The following CTNNA2 variants were observed in gnomAD, a reference collection of about 807,000 sequenced individuals.
CTNNA2 encodes catenin alpha-2.
CTNNA2 carries 42 observed loss-of-function variants against 101.0 expected under a neutral mutation model. The observed-to-expected ratio is 0.42, with a 90% CI of 0.32 to 0.54. The LOEUF (loss-of-function observed/expected upper bound fraction) is 0.54. Ranked by LOEUF, CTNNA2 falls within the 20% of genes least tolerant of loss-of-function variation. The probability of loss-of-function intolerance (pLI) is 0.14; values close to 1 mark genes in which losing one functional copy is unlikely to be tolerated. For missense variants in CTNNA2, 871 were observed against 1,223.1 expected (o/e 0.71, Z 4.29); for synonymous variants, 450 against 456.4 (o/e 0.99, Z 0.18).
chr2:79,356,421 G>C (rs927288164), intron 3 of CTNNA2, among the ~76,000 whole-genome samples: 3 of 151,974 alleles, frequency 2.0e-5, no homozygotes, highest in Non-Finnish European at 4.4e-5. Flanking sequence ...TTTCTTGATA[G>C]TGCCCTTTAA....
intron 7 of CTNNA2, among the ~76,000 whole-genome samples, chr2:80,096,369 G>T (rs1021639885): frequency 6.6e-6 from 1 of 152,050 alleles, no homozygotes; most frequent in Non-Finnish European, 1.5e-5. Context: ...GTCTGAGAGA[G>T]AGTTTTTTAT....
intron 2 of CTNNA2, among the ~76,000 whole-genome samples, chr2:79,236,981 C>G (rs1674565559): frequency 6.6e-6 from 1 of 152,188 alleles, no homozygotes; most frequent in African/African-American, 2.4e-5. Context: ...GGTATTTTGA[C>G]ATTGGAGCAT....
At chr2:79,794,583 C>T (rs1334177034) in intron 3 of CTNNA2, among the ~76,000 whole-genome samples, 1 of 152,096 alleles carries the variant, frequency 6.6e-6, no homozygotes, top group Non-Finnish European at 1.5e-5. Context: ...AGTAACAAAA[C>T]TTATCATAAG....
At chr2:79,851,786 G>A (rs1447845895) in intron 3 of CTNNA2, among the ~76,000 whole-genome samples, 2 of 110,124 alleles carry the variant, frequency 1.8e-5, no homozygotes. Context: ...CTGTCGCCTA[G>A]ACTGCAGTGC....
intron 9 of CTNNA2, among the ~76,000 whole-genome samples, chr2:80,526,454 T>A (rs1690041848): frequency 6.6e-6 from 1 of 152,098 alleles, no homozygotes; most frequent in African/African-American, 2.4e-5. Flanking sequence ...CACCTCAGCC[T>A]CCCAAAGTCC....
chr2:79,503,529 C>A (rs920788839), intron 4 of CTNNA2, among the ~76,000 whole-genome samples: 1 of 152,148 alleles, frequency 6.6e-6, no homozygotes, highest in African/African-American at 2.4e-5. Context: ...GGCTTAGAAG[C>A]AGCTGCCTTA....
chr2:79,276,577 C>T (rs946987386), intron 2 of CTNNA2, among the ~76,000 whole-genome samples: 1 of 151,992 alleles, frequency 6.6e-6, no homozygotes, highest in African/African-American at 2.4e-5. Flanking sequence ...ATCTTATTTA[C>T]CTGAATACCT....
intron 9 of CTNNA2, among the ~76,000 whole-genome samples, chr2:80,423,633 A>G (rs1036434753): frequency 3.3e-5 from 5 of 152,152 alleles, no homozygotes; most frequent in Admixed American, 3.3e-4. Flanking sequence ...TCCAAAATCC[A>G]CTGGGATGTT....
intron 3 of CTNNA2, among the ~76,000 whole-genome samples, chr2:79,837,411 C>T (rs977492472): frequency 3.3e-5 from 5 of 152,140 alleles, no homozygotes; most frequent in Admixed American, 2.0e-4. Flanking sequence ...CTTTCCCAGT[C>T]CTAACTCAAA....
chr2:80,012,168 G>A (rs1165959822), intron 7 of CTNNA2, among the ~76,000 whole-genome samples: 4 of 152,200 alleles, frequency 2.6e-5, no homozygotes, highest in South Asian at 2.1e-4. Context: ...CATTGCCTAC[G>A]ACGGTGCCAA....
At chr2:80,599,956 G>T in intron 15 of CTNNA2, among the ~76,000 whole-genome samples, 4 of 125,558 alleles carry the variant, frequency 3.2e-5, no homozygotes, top group South Asian at 2.6e-4. Flanking sequence ...AAATTTTTAT[G>T]AATATTTAGA....
intron 11 of CTNNA2, among the ~76,000 whole-genome samples, chr2:80,547,919 G>A (rs181410004): frequency 6.6e-6 from 1 of 151,780 alleles, no homozygotes; most frequent in African/African-American, 2.4e-5. Context: ...CTCAAACTCC[G>A]GACCTCAGGT....
intron 1 of CTNNA2, among the ~76,000 whole-genome samples, chr2:79,571,516 A>G (rs987534131): frequency 2.6e-5 from 4 of 152,136 alleles, no homozygotes; most frequent in Non-Finnish European, 5.9e-5. Flanking sequence ...TTTTAAACTG[A>G]TATTGATAAT....
At chr2:79,948,643 C>T (rs1688664495) in intron 7 of CTNNA2, among the ~76,000 whole-genome samples, 1 of 152,144 alleles carries the variant, frequency 6.6e-6, no homozygotes, top group South Asian at 2.1e-4. Context: ...ATGTCTATTC[C>T]AGGAAAATAT....
Position 79,503,620 on chromosome 2 carries a change from C to T in CTNNA2, c.-134-1434C>T, listed in dbSNP as rs183568180. On this transcript the variant is annotated intron_variant, in intron 4 of 21. Coordinates refer to the CTNNA2 transcript ENST00000466387. ...ATAATTTACAAATGTAGGATGTTTC[C>T]ATACACTATGTAGTATCAGCTTTTA... Among the ~76,000 whole-genome samples the T allele has an allele frequency of 1.1e-4, 17 of 152,228 alleles. No homozygotes were observed. In the East Asian group the frequency reaches 3.3e-3, roughly 29 times the overall value.
intron 2 of CTNNA2, among the ~76,000 whole-genome samples, chr2:79,288,068 C>T (rs935185643): frequency 5.3e-5 from 8 of 152,230 alleles, no homozygotes; most frequent in African/African-American, 1.2e-4. Context: ...TGACCCCTTG[C>T]GCTTGCCAAG....
intron 1 of CTNNA2, among the ~76,000 whole-genome samples, chr2:79,525,569 T>TATTAC (rs1174174241): frequency 1.3e-5 from 2 of 151,970 alleles, no homozygotes; most frequent in Non-Finnish European, 2.9e-5. Flanking sequence ...TACATTACAT[T>TATTAC]ATTACATTAC....
chr2:80,587,773 G>A (rs1307207512), intron 14 of CTNNA2, among the ~76,000 whole-genome samples: 1 of 152,276 alleles, frequency 6.6e-6, no homozygotes, highest in African/African-American at 2.4e-5. Flanking sequence ...CTCTTGGTCT[G>A]TCTTATGGAA....
chr2:79,384,761 A>G (rs964935946), intron 4 of CTNNA2, among the ~76,000 whole-genome samples: 4 of 152,134 alleles, frequency 2.6e-5, no homozygotes, highest in Non-Finnish European at 4.4e-5. Context: ...CCTCCTTGTC[A>G]AAATTCTACC....
Sources: allele counts gnomAD v4.1 joint callset (sites outside exome capture counted in the v4.1 genomes callset), GRCh38; gene constraint gnomAD v4.1.1; transcripts MANE v1.5; gene names NCBI Gene and HGNC (gene_info 2026-07-23, HGNC 2026-07-21).